The following G3BP2 variants were observed in gnomAD, a reference collection of about 807,000 sequenced individuals.
The protein encoded by G3BP2 is G3BP stress granule assembly factor 2.
Under a neutral mutation model 56.7 loss-of-function variants are expected in G3BP2, and 11 were observed. The ratio of observed to expected loss-of-function variants is 0.19; its 90% CI spans 0.12 to 0.32. The LOEUF (loss-of-function observed/expected upper bound fraction) is 0.32, where lower values mean the gene tolerates loss of function less well. Among genes scored for constraint, G3BP2 ranks in the 10% least tolerant of loss-of-function variants. The pLI, the probability that G3BP2 is intolerant of heterozygous loss-of-function variation, is 1.00. For missense variants in G3BP2, 340 were observed against 610.9 expected (o/e 0.56, Z 4.67); for synonymous variants, 165 against 191.6 (o/e 0.86, Z 1.15).
intron 3 of G3BP2, among the ~76,000 whole-genome samples, chr4:75,685,754 C>G (rs1198143480): frequency 6.6e-6 from 1 of 152,132 alleles, no homozygotes. Context: ...ATGGTCATAA[C>G]GCAGACATCA....
chr4:75,666,880 CTATCT>C (rs1318636515), intron 1 of G3BP2, among the ~76,000 whole-genome samples: 1 of 152,182 alleles, frequency 6.6e-6, no homozygotes, highest in Non-Finnish European at 1.5e-5. Context: ...AAGGTTTCAA[CTATCT>C]TATCCATGGC....
chr4:75,658,955 A>C (rs1346065759), intron 2 of G3BP2, 31 bp from the exon 3 acceptor site: 1 of 1,488,716 alleles, frequency 6.7e-7, no homozygotes, highest in Non-Finnish European at 9.4e-7. Context: ...ATTAACACTG[A>C]ATTGTCAAGA....
At chr4:75,662,129 C>A in intron 1 of G3BP2, 80 bp from the exon 2 acceptor site, 1 of 795,498 alleles carries the variant, frequency 1.3e-6, no homozygotes, top group Non-Finnish European at 2.1e-6. Context: ...TCTTTTTAGC[C>A]AAATTTAGCA....
At chr4:75,670,142 G>C (rs755130254) in intron 1 of G3BP2, among the ~76,000 whole-genome samples, 3 of 152,150 alleles carry the variant, frequency 2.0e-5, no homozygotes, top group Non-Finnish European at 4.4e-5. Flanking sequence ...GGTTATGTGG[G>C]TGCTAAGACA....
intron 1 of G3BP2, among the ~76,000 whole-genome samples, chr4:75,669,962 C>T (rs543578107): frequency 6.6e-6 from 1 of 152,266 alleles, no homozygotes; most frequent in African/African-American, 2.4e-5. Context: ...TGTGCAGTGG[C>T]GGGCGCCTGT....
Position 75,706,543 on chromosome 4 carries a change from G to A in G3BP2, c.-25+14334C>T, listed in dbSNP as rs1242485741. On this transcript the variant is annotated intron_variant, in intron 3 of 3. Transcript: ENST00000499709. ...AAATACAAAATTAGCGGGGCGTGGT[G>A]GCGCATGCCTGTAATACCAGCTACT... is the stretch of plus-strand genomic sequence containing the variant. Among the ~76,000 whole-genome samples the A allele has an allele frequency of 3.3e-5, 5 of 152,028 alleles. 1 individual carries two copies. The highest frequency in any genetic ancestry group is 3.3e-4 in the Admixed American group (5 of 15,268).
chr4:75,717,382 G>C (rs996508966), intron 3 of G3BP2, among the ~76,000 whole-genome samples: 1 of 152,168 alleles, frequency 6.6e-6, no homozygotes, highest in East Asian at 1.9e-4. Flanking sequence ...GGGGGTTGCA[G>C]AGAGGGGACC....
In G3BP2 at chr4:75,649,770, G is replaced by GA. The variant is rs541774283; in HGVS notation, c.826-1030dup. ...TCTCCATGTAATCCCAGCACTTTGG[G>GA]AGGCCAAGCTGCGCGGATCACCTGA... On this transcript the variant is annotated intron_variant, in intron 8 of 11. Transcript: ENST00000359707. Among the ~76,000 whole-genome samples, 53 of 152,342 alleles carry GA rather than the reference G, an allele frequency of 3.5e-4. 1 individual carries two copies. In the South Asian group the frequency reaches 3.9e-3, roughly 11 times the overall value.
At chr4:75,647,888 TAC>T (rs1243472249) in intron 9 of G3BP2, among the ~76,000 whole-genome samples, 1 of 152,188 alleles carries the variant, frequency 6.6e-6, no homozygotes, top group Non-Finnish European at 1.5e-5. Context: ...TAAACATTCT[TAC>T]AGAGTTCAAA....
At position 75,650,366 on chromosome 4, in the gene G3BP2, G is replaced by A. The variant is rs183720633; in HGVS notation, c.826-1625C>T. ...GGAGAATCACTTGAACCTGGGAGGC[G>A]GAGGTTGCGTGAGCAGATCATTGTA... On this transcript the variant is annotated intron_variant, in intron 8 of 11. Transcript: ENST00000359707. 1.8e-3 allele frequency among the ~76,000 whole-genome samples: 250 copies of A among 138,994 alleles called. 1 individual carries two copies. The highest frequency in any genetic ancestry group is 4.8e-3 in the Middle Eastern group (1 of 210). 91.2% of individuals were successfully genotyped at this position (138,994 alleles called of 152,430 possible). A position where few individuals can be genotyped will look rare whatever the true frequency, so the allele number is the denominator to read the frequency against.
intron 3 of G3BP2, among the ~76,000 whole-genome samples, chr4:75,706,928 C>T (rs1328011514): frequency 6.6e-6 from 1 of 152,070 alleles, no homozygotes; most frequent in Non-Finnish European, 1.5e-5. Flanking sequence ...CTTGGTGGCT[C>T]ATGCCTATAA....
chr4:75,658,840 T>C lies in G3BP2; in HGVS notation c.177+3A>G. 1 of 1,574,846 alleles carries C rather than the reference T, an allele frequency of 6.3e-7. No homozygotes were observed. Among genetic ancestry groups the C allele is most frequent in the South Asian group, 1.1e-5 (1 of 90,276 alleles). ...CTAAACTACATATGAAATTGATACT[T>C]ACATTTTGGCCATAAACAGCTTCCT... On this transcript the variant is annotated splice_donor_region_variant and intron_variant, in intron 3 of 11. Coordinates refer to ENST00000359707, the MANE Select transcript of G3BP2 (RefSeq NM_203505.3).
chr4:75,674,718 ATTTTTTT>A (rs71203842), upstream of G3BP2, among the ~76,000 whole-genome samples: 957 of 71,306 alleles, frequency 0.013, 21 homozygotes, highest in East Asian at 0.064. Flanking sequence ...ATATATATAT[ATTTTTTT>A]TTTTTTTTTT....
rs1578372187 is a variant in G3BP2, at chr4:75,645,212, A to G, written c.*218T>C. On this transcript the variant is annotated 3_prime_UTR_variant, in exon 12 of 12. Transcript: ENST00000359707. ...AGATATGGTCATTTCTCAGTCCTTA[A>G]TTCTCCAAGTCTAGATTTATAAATT... 1.7e-6 allele frequency: 1 copy of G among 577,996 alleles called. No homozygotes were observed. The allele number at this position is 577,996 out of a possible 1,614,324, so 35.8% of individuals were successfully genotyped here.
intron 3 of G3BP2, among the ~76,000 whole-genome samples, chr4:75,688,831 C>T (rs550161986): frequency 2.6e-5 from 4 of 152,174 alleles, no homozygotes; most frequent in African/African-American, 7.2e-5. Context: ...GCTAAGGAAA[C>T]GATGAGTAAA....
chr4:75,653,553 T>C (rs1172589326), intron 8 of G3BP2, among the ~76,000 whole-genome samples: 1 of 145,928 alleles, frequency 6.9e-6, no homozygotes, highest in Non-Finnish European at 1.5e-5. Flanking sequence ...AGGCAGCGTA[T>C]GTTAAAAAGT....
intron 3 of G3BP2, among the ~76,000 whole-genome samples, chr4:75,697,786 T>A (rs891360437): frequency 2.0e-5 from 3 of 151,970 alleles, no homozygotes; most frequent in Non-Finnish European, 2.9e-5. Context: ...ATAGAAAAAT[T>A]AGCTAGGCGC....
intron 3 of G3BP2, among the ~76,000 whole-genome samples, chr4:75,694,220 G>C (rs1275867651): frequency 6.6e-6 from 1 of 152,194 alleles, no homozygotes; most frequent in Non-Finnish European, 1.5e-5. Flanking sequence ...GCCTCAAATA[G>C]CACATTGATA....
intron 3 of G3BP2, among the ~76,000 whole-genome samples, chr4:75,698,011 C>T (rs1235960159): frequency 2.6e-5 from 4 of 152,282 alleles, no homozygotes; most frequent in African/African-American, 7.2e-5. Context: ...AGTATAAATA[C>T]ACTCAACTTC....
Sources: allele counts gnomAD v4.1 joint callset (sites outside exome capture counted in the v4.1 genomes callset), GRCh38; gene constraint gnomAD v4.1.1; transcripts MANE v1.5; gene names NCBI Gene and HGNC (gene_info 2026-07-23, HGNC 2026-07-21).